CRACR2A: variants seen among roughly 807,000 people sequenced by gnomAD.
CRACR2A encodes EF-hand calcium-binding domain-containing protein 4B.
CRACR2A carries 79 observed loss-of-function variants against 90.5 expected under a neutral mutation model. The ratio of observed to expected loss-of-function variants is 0.87; its 90% CI spans 0.73 to 1.05. The LOEUF is 1.05. Among genes scored for constraint, CRACR2A ranks in the 50% least tolerant of loss-of-function variants. The probability of loss-of-function intolerance (pLI) is 0.00; values close to 1 mark genes in which losing one functional copy is unlikely to be tolerated. For missense variants in CRACR2A, 823 were observed against 897.2 expected, an observed-to-expected ratio of 0.92 and a Z score of 1.06; for synonymous variants, 338 against 356.7, an observed-to-expected ratio of 0.95 and a Z score of 0.59.
rs1348005005 is a variant in CRACR2A at position 3,648,590 on chromosome 12, C to T, written c.1070G>A (p.Ser357Asn). The T allele has an allele frequency of 6.2e-7, 1 of 1,614,132 alleles. No homozygotes were observed. The highest frequency in any genetic ancestry group is 2.2e-5 in the East Asian group (1 of 44,872). ...KEMEVYRVTE[S>N]LQREKAGLLK... ...GAGCCCGGCCTTCTCACGCTGTAGA[C>T]TCTCCGTCACACGGTACACTTCCCT... The change falls in exon 11 of 20, where the codon AGT (serine) becomes AAT (asparagine). Residue 357 changes from serine to asparagine, a missense_variant. Ser to Asn is a conservative substitution (Grantham distance 46). Transcript: ENST00000440314.
intron 14 of CRACR2A, among the ~76,000 whole-genome samples, chr12:3,637,602 C>T (rs1944478221): frequency 6.6e-6 from 1 of 152,108 alleles, no homozygotes; most frequent in African/African-American, 2.4e-5. Flanking sequence ...AAAGGGGACT[C>T]ACTTTCTGGC....
chr12:3,689,831 A>G (rs1225109269), intron 4 of CRACR2A, among the ~76,000 whole-genome samples: 1 of 150,458 alleles, frequency 6.6e-6, no homozygotes, highest in Admixed American at 6.6e-5. Context: ...TTCAGAGCTC[A>G]TAATTTGTCT....
intron 1 of CRACR2A, among the ~76,000 whole-genome samples, chr12:3,733,714 C>T (rs1056297533): frequency 5.3e-5 from 8 of 152,050 alleles, no homozygotes; most frequent in Non-Finnish European, 8.8e-5. Flanking sequence ...ATTACACATG[C>T]GATAAATATC....
Position 3,627,615 on chromosome 12 carries a change from A to G in CRACR2A, c.1817+10T>C. On this transcript the variant is annotated intron_variant, in intron 16 of 19. Transcript: ENST00000440314. ...CCCTCTGGAGCCCAGAACTTCGGGC[A>G]GCTCCTCACCTCTCCTGCCCAGCCG... 1 of 1,551,664 alleles carries G rather than the reference A, an allele frequency of 6.4e-7. No homozygotes were observed.
At chr12:3,747,812 G>C (rs1946648525) in intron 1 of CRACR2A, among the ~76,000 whole-genome samples, 1 of 152,220 alleles carries the variant, frequency 6.6e-6, no homozygotes, top group Non-Finnish European at 1.5e-5. Context: ...TAGCACGTGT[G>C]CTACGTCTCA....
At chr12:3,699,154 A>G (rs140874909) in intron 3 of CRACR2A, among the ~76,000 whole-genome samples, 1 of 152,336 alleles carries the variant, frequency 6.6e-6, no homozygotes, top group African/African-American at 2.4e-5. Context: ...TAGCACAGTC[A>G]GAGACCTCTT....
chr12:3,751,487 G>A (rs1946701437), intron 1 of CRACR2A, among the ~76,000 whole-genome samples: 1 of 152,116 alleles, frequency 6.6e-6, no homozygotes, highest in Admixed American at 6.5e-5. Context: ...GCTTAATAAT[G>A]AAGTTTCTAG....
At chr12:3,717,518 G>A (rs929080517) in intron 2 of CRACR2A, among the ~76,000 whole-genome samples, 13 of 152,092 alleles carry the variant, frequency 8.5e-5, no homozygotes, top group Admixed American at 1.3e-4. Context: ...ACTGCGATCC[G>A]GGCTAGGGTA....
intron 1 of CRACR2A, among the ~76,000 whole-genome samples, chr12:3,738,497 T>C (rs1030209987): frequency 6.6e-6 from 1 of 152,166 alleles, no homozygotes; most frequent in Non-Finnish European, 1.5e-5. Flanking sequence ...AATTGAAATT[T>C]CAAACTGTGG....
At chr12:3,638,571 G>C in intron 13 of CRACR2A, 117 bp from the exon 14 acceptor site, 2 of 1,209,368 alleles carry the variant, frequency 1.7e-6, no homozygotes, top group Non-Finnish European at 2.2e-6. Flanking sequence ...CTTTGGACAA[G>C]AGCAGTCCGG....
At chr12:3,644,506 C>T (rs1384202421) in intron 12 of CRACR2A, 89 bp downstream of exon 12, 12 of 1,327,762 alleles carry the variant, frequency 9.0e-6, no homozygotes, top group Non-Finnish European at 1.1e-5. Flanking sequence ...AGTGTCAGGA[C>T]ATTGCTGGGC....
At chr12:3,742,247 G>A (rs775901548) in intron 1 of CRACR2A, among the ~76,000 whole-genome samples, 1 of 152,208 alleles carries the variant, frequency 6.6e-6, no homozygotes, top group Non-Finnish European at 1.5e-5. Flanking sequence ...TTGCTCATTC[G>A]GTTTTGGTTG....
At chr12:3,678,721 G>A (rs1945383760) in intron 6 of CRACR2A, among the ~76,000 whole-genome samples, 194 bp downstream of exon 6, 1 of 151,978 alleles carries the variant, frequency 6.6e-6, no homozygotes, top group Admixed American at 6.6e-5. Flanking sequence ...AAACAGCAGA[G>A]ACAGAGCCCA....
At chr12:3,643,817 T>A (rs866603937) in intron 12 of CRACR2A, among the ~76,000 whole-genome samples, 3 of 85,726 alleles carry the variant, frequency 3.5e-5, no homozygotes, top group African/African-American at 1.2e-4. Flanking sequence ...ATATATATAT[T>A]TATATTATAT....
At chr12:3,630,636 T>C (rs1565464511) in intron 15 of CRACR2A, among the ~76,000 whole-genome samples, 3 of 152,210 alleles carry the variant, frequency 2.0e-5, no homozygotes, top group Admixed American at 2.0e-4. Flanking sequence ...TCCTCTATTG[T>C]GGATCTCAAT....
In CRACR2A at chr12:3,616,940, G is replaced by A. The variant is rs1246682303; in HGVS notation, c.2111+14C>T. ...ACACAGCAGTTACTGCACCTGGGGA[G>A]CACATCTCTTTACCTGGCCAGATGG... On this transcript the variant is annotated intron_variant, in intron 19 of 19. Transcript: ENST00000440314. 1.9e-6 allele frequency: 3 copies of A among 1,545,098 alleles called. No homozygotes were observed. The highest frequency in any genetic ancestry group is 2.7e-5 in the African/African-American group (2 of 72,922).
intron 2 of CRACR2A, among the ~76,000 whole-genome samples, chr12:3,724,732 G>A (rs1018663769): frequency 2.6e-5 from 4 of 152,200 alleles, no homozygotes; most frequent in Non-Finnish European, 4.4e-5. Flanking sequence ...AGCCACCATC[G>A]TAAAGTGGAA....
In CRACR2A at chr12:3,638,369, G is replaced by T; in HGVS notation, c.1357C>A (p.Pro453Thr). The T allele has an allele frequency of 2.6e-6, 4 of 1,551,614 alleles. No individual in the cohort carries two copies. Among genetic ancestry groups the T allele is most frequent in the Non-Finnish European group, 3.5e-6 (4 of 1,146,960 alleles). Reference protein sequence around the residue: ...LSGYPLTEEEPGTGEPGPGGP... With the variant: ...LSGYPLTEEETGTGEPGPGGP... ...CCAGGCCCTGGCTCCCCGGTTCCTG[G>T]CTCCTCTTCTGTTAGGGGATATCCA... Residue 453 changes from proline (P) to threonine (T), a missense_variant, in exon 14 of 20, where the codon CCA becomes ACA. By Grantham distance (38) the Pro-to-Thr change is conservative. Coordinates refer to ENST00000440314, the MANE Select transcript of CRACR2A (RefSeq NM_001144958.2).
intron 7 of CRACR2A, among the ~76,000 whole-genome samples, chr12:3,664,703 C>G (rs1945096268): frequency 6.6e-6 from 1 of 152,214 alleles, no homozygotes; most frequent in African/African-American, 2.4e-5. Context: ...CTTCTCTTAG[C>G]CATTCTCAAA....
Sources: allele counts gnomAD v4.1 joint callset (sites outside exome capture counted in the v4.1 genomes callset), GRCh38; gene constraint gnomAD v4.1.1; transcripts MANE v1.5; gene names NCBI Gene and HGNC (gene_info 2026-07-23, HGNC 2026-07-21).